Variants in UNC13B observed in about 807,000 individuals in gnomAD.
UNC13B encodes unc-13 homolog B.
A neutral mutation model predicts 211.0 loss-of-function variants in UNC13B; 144 were observed. The observed-to-expected ratio is 0.68, with a 90% CI of 0.60 to 0.78. The LOEUF is 0.78. UNC13B is among the 30% of genes least tolerant of loss of function. UNC13B has a pLI of 0.00. For missense variants in UNC13B, 1,777 were observed against 2,002.0 expected (o/e 0.89, Z 2.14); for synonymous variants, 709 against 725.8 (o/e 0.98, Z 0.37).
chr9:35,343,017 TCA>T (rs1272278183), intron 11 of UNC13B, among the ~76,000 whole-genome samples: 1 of 152,262 alleles, frequency 6.6e-6, no homozygotes, highest in Admixed American at 6.5e-5. Flanking sequence ...TTGAGTTTTC[TCA>T]GTCTTGAATA....
intron 1 of UNC13B, among the ~76,000 whole-genome samples, chr9:35,181,889 A>G (rs2131301013): frequency 6.6e-6 from 1 of 152,272 alleles, no homozygotes; most frequent in Non-Finnish European, 1.5e-5. Context: ...CTGCCCACCA[A>G]ACTATCCTTG....
intron 1 of UNC13B, among the ~76,000 whole-genome samples, chr9:35,168,054 GACT>G (rs1183142192): frequency 3.3e-5 from 5 of 151,918 alleles, no homozygotes; most frequent in African/African-American, 1.2e-4. Context: ...GAGTAGCTGG[GACT>G]ACAAGTGCAT....
At chr9:35,309,622 C>T (rs573780364) in intron 9 of UNC13B, among the ~76,000 whole-genome samples, 1 of 152,284 alleles carries the variant, frequency 6.6e-6, no homozygotes, top group East Asian at 1.9e-4. Flanking sequence ...ACTGCTTTCT[C>T]TCATGACTTT....
chr9:35,247,047 TCTC>T (rs1826144248), intron 6 of UNC13B, among the ~76,000 whole-genome samples: 1 of 152,316 alleles, frequency 6.6e-6, no homozygotes, highest in African/African-American at 2.4e-5. Flanking sequence ...GGTTTGTAGT[TCTC>T]CTTGAAGAGG....
chr9:35,383,097 ATATTCTTCAG>A (rs1834969310), intron 21 of UNC13B, among the ~76,000 whole-genome samples: 2 of 152,212 alleles, frequency 1.3e-5, no homozygotes, highest in South Asian at 4.1e-4. Flanking sequence ...ATAGTCTTCC[ATATTCTTCAG>A]TCTTGCAGGT....
chr9:35,352,119 T>C (rs888768873), intron 11 of UNC13B: 1 of 1,232,254 alleles, frequency 8.1e-7, no homozygotes, highest in Non-Finnish European at 1.0e-6. Context: ...ACCTGTTCCC[T>C]GGCCAAGGTG....
At chr9:35,209,367 C>A (rs900067928) in intron 1 of UNC13B, among the ~76,000 whole-genome samples, 2 of 151,142 alleles carry the variant, frequency 1.3e-5, no homozygotes, top group Admixed American at 6.6e-5. Context: ...CCCAGCCTCC[C>A]TTCCACTTTA....
At chr9:35,377,129 C>A (rs1410294941) in intron 15 of UNC13B, among the ~76,000 whole-genome samples, 2 of 152,266 alleles carry the variant, frequency 1.3e-5, no homozygotes, top group Non-Finnish European at 2.9e-5. Flanking sequence ...CAGGGAGAGG[C>A]CTTGAGCAAT....
chr9:35,309,065 G>A (rs1042887260), intron 9 of UNC13B, among the ~76,000 whole-genome samples: 1 of 152,172 alleles, frequency 6.6e-6, no homozygotes, highest in Non-Finnish European at 1.5e-5. Flanking sequence ...GGAACTCAGA[G>A]CTGTCCTTTG....
intron 1 of UNC13B, among the ~76,000 whole-genome samples, chr9:35,183,844 G>A (rs543422312): frequency 1.5e-3 from 205 of 135,510 alleles, no homozygotes; most frequent in African/African-American, 5.4e-3. Flanking sequence ...CCTCCCAGAC[G>A]GGGCGGCCGG....
At chr9:35,327,786 T>C (rs1426485965) in intron 11 of UNC13B, among the ~76,000 whole-genome samples, 1 of 152,188 alleles carries the variant, frequency 6.6e-6, no homozygotes, top group Non-Finnish European at 1.5e-5. Flanking sequence ...TCTGGAGCAT[T>C]GCAGCCATGA....
chr9:35,263,252 G>T (rs1827380785), intron 7 of UNC13B, among the ~76,000 whole-genome samples: 1 of 151,560 alleles, frequency 6.6e-6, no homozygotes, highest in Non-Finnish European at 1.5e-5. Context: ...TAGTTAAACA[G>T]CAGTAAAAAA....
In UNC13B at chr9:35,364,612, C is replaced by G. The variant is rs529142097; in HGVS notation, c.9415-2335C>G. 5.4e-5 allele frequency: 82 copies of G among 1,530,736 alleles called. 2 individuals are homozygous for G. The South Asian group carries it at 8.8e-4, about 17-fold the overall frequency. The allele number at this position is 1,530,736 out of a possible 1,614,324, so 94.8% of individuals were successfully genotyped here. ...GGGTCGTCCTTTTTTGTCTATTTCCCTCCCCTCCTTCCCAAGCACTGTATG... is the reference window on the plus strand; with the variant it reads ...GGGTCGTCCTTTTTTGTCTATTTCCGTCCCCTCCTTCCCAAGCACTGTATG... On this transcript the variant is annotated intron_variant, in intron 11 of 39. Coordinates refer to ENST00000635942, the MANE Select transcript of UNC13B (RefSeq NM_001371189.2).
At position 35,305,187 on chromosome 9, in the gene UNC13B, C is replaced by T. The variant is rs762474416; in HGVS notation, c.5783C>T (p.Ser1928Leu). Reference sequence around the variant, plus strand: ...AAACTCTTCAGTCAAGAAGAATCGTCAGTTAGTATGACAGCAAATGAAAAA... The same window carrying T: ...AAACTCTTCAGTCAAGAAGAATCGTTAGTTAGTATGACAGCAAATGAAAAA... ...SLKLFSQEES[S>L]VSMTANEKQS... Residue 1928 changes from serine to leucine, a missense_variant, in exon 9 of 40, where the codon TCA becomes TTA. Transcript: ENST00000635942. 1 of 398,826 alleles carries T rather than the reference C, an allele frequency of 2.5e-6. No individual in the cohort carries two copies. Among genetic ancestry groups the T allele is most frequent in the South Asian group, 1.3e-4 (1 of 7,846 alleles). 24.7% of individuals were successfully genotyped at this position (398,826 alleles called of 1,614,324 possible).
chr9:35,186,364 T>G (rs1240439117), intron 1 of UNC13B, among the ~76,000 whole-genome samples: 1 of 152,176 alleles, frequency 6.6e-6, no homozygotes, highest in Non-Finnish European at 1.5e-5. Context: ...GGGCTTAACT[T>G]CCAACCATTT....
intron 28 of UNC13B, 114 bp from the exon 29 acceptor site, chr9:35,397,053 G>A: frequency 6.2e-7 from 1 of 1,600,108 alleles, no homozygotes; most frequent in South Asian, 1.1e-5. Flanking sequence ...GGAGTTCACA[G>A]GAGGGCTGTT....
At chr9:35,398,757 T>G in intron 32 of UNC13B, 115 bp downstream of exon 32, 2 of 1,555,664 alleles carry the variant, frequency 1.3e-6, no homozygotes, top group South Asian at 1.2e-5. Flanking sequence ...TTCCCTGTAC[T>G]CCTGCTGACT....
chr9:35,210,925 G>A (rs1172543753), intron 1 of UNC13B, among the ~76,000 whole-genome samples: 1 of 151,926 alleles, frequency 6.6e-6, no homozygotes, highest in African/African-American at 2.4e-5. Context: ...TTAAAGAGAT[G>A]GGGGTCTCTC....
intron 11 of UNC13B, among the ~76,000 whole-genome samples, chr9:35,316,564 A>G (rs184341386): frequency 6.6e-6 from 1 of 152,326 alleles, no homozygotes; most frequent in Admixed American, 6.5e-5. Context: ...TCATAATTGC[A>G]TGCTCTAAAA....
Sources: allele counts gnomAD v4.1 joint callset (sites outside exome capture counted in the v4.1 genomes callset), GRCh38; gene constraint gnomAD v4.1.1; transcripts MANE v1.5; gene names NCBI Gene and HGNC (gene_info 2026-07-23, HGNC 2026-07-21).